PVR: variants seen among roughly 807,000 people sequenced by gnomAD.
The protein encoded by PVR is PVR cell adhesion molecule.
A neutral mutation model predicts 43.3 loss-of-function variants in PVR; 39 were observed. The ratio of observed to expected loss-of-function variants is 0.90; its 90% CI spans 0.70 to 1.18. The LOEUF is 1.18. Among genes scored for constraint, PVR ranks in the 50% most tolerant of loss-of-function variants. The pLI, the probability that PVR is intolerant of heterozygous loss-of-function variation, is 0.00. For synonymous variants in PVR, 224 were observed against 233.2 expected (o/e 0.96, Z 0.36); for missense variants, 480 against 549.7 (o/e 0.87, Z 1.27).
intron 4 of PVR, 128 bp from the exon 5 acceptor site, chr19:44,657,634 G>A (rs749516249): frequency 5.3e-5 from 44 of 835,856 alleles, no homozygotes; most frequent in Non-Finnish European, 8.0e-5. Context: ...GAGTTGGGGG[G>A]CCTCCAGAGT....
intron 2 of PVR, 94 bp from the exon 3 acceptor site, chr19:44,649,715 C>A: frequency 7.2e-7 from 1 of 1,383,746 alleles, no homozygotes. Flanking sequence ...GCCACCCCGC[C>A]CAGCAACCAT....
intron 5 of PVR, 73 bp downstream of exon 5, chr19:44,657,983 C>T (rs1276201798): frequency 1.3e-6 from 2 of 1,484,568 alleles, no homozygotes; most frequent in African/African-American, 1.4e-5. Flanking sequence ...GTCTAATGCT[C>T]TCTGGCTCCC....
chr19:44,644,156 C>T lies in PVR; in HGVS notation c.60C>T (p.Ser20=). The T allele has an allele frequency of 6.6e-7, 1 of 1,512,074 alleles. No homozygotes were observed. The allele number at this position is 1,512,074 out of a possible 1,614,324, so 93.7% of individuals were successfully genotyped here. The change falls in exon 1 of 8, where the codon TCC becomes TCT. Residue 20 remains serine, a synonymous_variant. Transcript: ENST00000425690. ...PLLLVALLVL[S]WPPPGTGDVV... ...TGCTGGTGGCGCTACTGGTGCTGTC[C>T]TGGCCACCCCCAGGAACCGGTGAGT...
At chr19:44,657,627 T>G in intron 4 of PVR, 135 bp from the exon 5 acceptor site, 2 of 778,920 alleles carry the variant, frequency 2.6e-6, no homozygotes, top group Non-Finnish European at 2.0e-6. Flanking sequence ...AAGGGAAGAG[T>G]TGGGGGGCCT....
chr19:44,654,166 C>G lies in PVR; in HGVS notation c.842+149C>G, dbSNP rs545665061. Reference sequence around the variant, plus strand: ...TCTGAGGGACGAGAGGCTGGGAGCCCGGACTCCTGGGTCTGAGGGAAGAGG... The same window carrying G: ...TCTGAGGGACGAGAGGCTGGGAGCCGGGACTCCTGGGTCTGAGGGAAGAGG... On this transcript the variant is annotated intron_variant, in intron 4 of 7. Coordinates refer to ENST00000425690, the MANE Select transcript of PVR (RefSeq NM_006505.5). 5 of 488,768 alleles carry G rather than the reference C, an allele frequency of 1.0e-5. No individual in the cohort carries two copies. In the East Asian group the frequency reaches 1.9e-4, roughly 18 times the overall value. 30.3% of individuals were successfully genotyped at this position (488,768 alleles called of 1,614,324 possible).
chr19:44,648,573 A>G (rs1973193133), intron 2 of PVR, among the ~76,000 whole-genome samples: 1 of 151,828 alleles, frequency 6.6e-6, no homozygotes, highest in Non-Finnish European at 1.5e-5. Flanking sequence ...TGCAGCCTGG[A>G]ACTCCTGGGC....
chr19:44,645,691 T>C (rs1342821361), intron 1 of PVR, among the ~76,000 whole-genome samples: 1 of 151,848 alleles, frequency 6.6e-6, no homozygotes, highest in East Asian at 1.9e-4. Flanking sequence ...CCAAGCACAG[T>C]GGCTCATGCC....
chr19:44,657,703 A>G (rs1973486459), intron 4 of PVR, 59 bp from the exon 5 acceptor site: 1 of 1,584,154 alleles, frequency 6.3e-7, no homozygotes, highest in South Asian at 1.1e-5. Flanking sequence ...TGCGTGCTCA[A>G]TCACTGTCAC....
intron 4 of PVR, among the ~76,000 whole-genome samples, chr19:44,654,629 C>A (rs1444911004): frequency 6.6e-6 from 1 of 152,238 alleles, no homozygotes; most frequent in African/African-American, 2.4e-5. Context: ...GCAGAAGCGG[C>A]CCTTGAATCA....
intron 6 of PVR, among the ~76,000 whole-genome samples, chr19:44,659,527 G>A (rs1183701131): frequency 1.3e-5 from 2 of 152,102 alleles, no homozygotes; most frequent in Admixed American, 6.5e-5. Context: ...CTGTCGCCCA[G>A]GCTGGAGTGC....
intron 1 of PVR, 47 bp downstream of exon 1, chr19:44,644,222 T>C (rs760225619): frequency 6.7e-5 from 95 of 1,410,970 alleles, no homozygotes; most frequent in Non-Finnish European, 8.1e-5. Flanking sequence ...GGCTCCCAGC[T>C]CCGCATCCAG....
Position 44,650,125 on chromosome 19 carries a change from C to T in PVR, c.724+20C>T, listed in dbSNP as rs779076073. 14 of 1,506,878 alleles carry T rather than the reference C, an allele frequency of 9.3e-6. No homozygotes were observed. Among genetic ancestry groups the T allele is most frequent in the South Asian group, 1.3e-5 (1 of 75,130 alleles). 93.3% of individuals were successfully genotyped at this position (1,506,878 alleles called of 1,614,324 possible). On this transcript the variant is annotated intron_variant, in intron 3 of 7. Transcript: ENST00000425690. ...TGTACTGTGAGTGTGCCCAAGTCAG[C>T]GATGGCAAGAACCCCTGCCGGGCTG...
chr19:44,647,254 G>T lies in PVR; in HGVS notation c.111G>T (p.Val37=). The change falls in exon 2 of 8, where the codon GTG becomes GTT. Residue 37 remains valine, a synonymous_variant. Coordinates refer to ENST00000425690, the MANE Select transcript of PVR (RefSeq NM_006505.5). ...GDVVVQAPTQ[V]PGFLGDSVTL... ...TCGTCGTGCAGGCGCCCACCCAGGT[G>T]CCCGGCTTCTTGGGCGACTCCGTGA... is the stretch of plus-strand genomic sequence containing the variant. 6.4e-7 allele frequency: 1 copy of T among 1,552,534 alleles called. No homozygotes were observed. The highest frequency in any genetic ancestry group is 8.7e-7 in the Non-Finnish European group (1 of 1,146,744).
chr19:44,656,527 G>C (rs1599770921), intron 4 of PVR, among the ~76,000 whole-genome samples: 1 of 152,266 alleles, frequency 6.6e-6, no homozygotes, highest in East Asian at 1.9e-4. Flanking sequence ...TGTGCCGGGT[G>C]CAATTAACCA....
intron 7 of PVR, 148 bp downstream of exon 7, chr19:44,661,471 G>C: frequency 1.1e-6 from 1 of 895,634 alleles, no homozygotes; most frequent in Non-Finnish European, 1.8e-6. Flanking sequence ...CTGCTGGGCG[G>C]AATCCCCTGT....
At chr19:44,654,652 A>C (rs1455337177) in intron 4 of PVR, among the ~76,000 whole-genome samples, 1 of 152,260 alleles carries the variant, frequency 6.6e-6, no homozygotes, top group Non-Finnish European at 1.5e-5. Context: ...GCTCGGCTCC[A>C]AAGCTGGTCC....
rs1284350766 is a variant in PVR, at chr19:44,663,003, G to T, written c.*1192G>T. On this transcript the variant is annotated 3_prime_UTR_variant, in exon 8 of 8. Coordinates refer to ENST00000425690, the MANE Select transcript of PVR (RefSeq NM_006505.5). ...CAGCCACTTTCTGCCAGCATCTGCA[G>T]CCACTTTCTGCCAGCATCTGCAGCC... 1 of 152,266 alleles carries T rather than the reference G, an allele frequency of 6.6e-6. No homozygotes were observed. The highest frequency in any genetic ancestry group is 1.5e-5 in the Non-Finnish European group (1 of 68,084). 9.4% of individuals were successfully genotyped at this position (152,266 alleles called of 1,614,324 possible).
rs375980345 is a variant in PVR, at chr19:44,656,798, C to A, written c.843-964C>A. Among the ~76,000 whole-genome samples, 6 of 152,068 alleles carry A rather than the reference C, an allele frequency of 3.9e-5. No homozygotes were observed. The East Asian group carries it at 9.7e-4, about 25-fold the overall frequency. On this transcript the variant is annotated intron_variant, in intron 4 of 7. Coordinates refer to ENST00000425690, the MANE Select transcript of PVR (RefSeq NM_006505.5). ...CAGCCTGGCCAACATGGCGAAACCC[C>A]ATCTCTACCAAAAAAGATACAAAAA...
In PVR at chr19:44,650,002, A is replaced by G. The variant is rs949994778; in HGVS notation, c.621A>G (p.Ile207Met). The G allele has an allele frequency of 1.2e-6, 2 of 1,606,088 alleles. No individual in the cohort carries two copies. The highest frequency in any genetic ancestry group is 1.7e-5 in the Admixed American group (1 of 59,258). Residue 207 changes from isoleucine (I) to methionine (M), a missense_variant, in exon 3 of 8, where the codon ATA becomes ATG. Coordinates refer to ENST00000425690, the MANE Select transcript of PVR (RefSeq NM_006505.5). ...CAGTCACTGTCACCAGCCTCTGGAT[A>G]TTGGTGCCCTCAAGCCAGGTGGACG... ...SGTVTVTSLWILVPSSQVDGK... is the reference protein window; with the variant it reads ...SGTVTVTSLWMLVPSSQVDGK...
Sources: gnomAD v4.1 joint callset for allele counts (sites outside exome capture counted in the v4.1 genomes callset) on GRCh38, gnomAD v4.1.1 for gene constraint, MANE v1.5 for transcripts, NCBI Gene and HGNC (gene_info 2026-07-23, HGNC 2026-07-21) for gene names.